The following SCEL variants were observed in gnomAD, a reference collection of about 807,000 sequenced individuals.
SCEL encodes the protein sciellin.
Under a neutral mutation model 117.6 loss-of-function variants are expected in SCEL, and 113 were observed. That is an observed-to-expected ratio of 0.96 (90% confidence interval 0.83 to 1.12). The LOEUF (loss-of-function observed/expected upper bound fraction) is 1.12. Ranked by LOEUF, SCEL falls within the 50% of genes most tolerant of loss-of-function variation. The pLI is 0.00. For synonymous variants in SCEL, 270 were observed against 256.2 expected (o/e 1.05, Z -0.51); for missense variants, 785 against 810.8 (o/e 0.97, Z 0.39).
intron 1 of SCEL, among the ~76,000 whole-genome samples, chr13:77,548,971 A>T (rs900270735): frequency 1.3e-5 from 2 of 152,138 alleles, no homozygotes; most frequent in African/African-American, 4.8e-5. Context: ...GTTGATGGAC[A>T]CTTAGGTTGA....
chr13:77,616,331 T>C (rs532724709), intron 24 of SCEL, among the ~76,000 whole-genome samples: 1 of 152,156 alleles, frequency 6.6e-6, no homozygotes, highest in East Asian at 1.9e-4. Flanking sequence ...TCTACAAAGT[T>C]TTATTCTTTG....
intron 13 of SCEL, among the ~76,000 whole-genome samples, chr13:77,598,577 C>A (rs1202591779): frequency 1.3e-5 from 2 of 152,202 alleles, no homozygotes; most frequent in Non-Finnish European, 2.9e-5. Context: ...TGTCTGAGCA[C>A]ACAGCTGCTT....
intron 17 of SCEL, 143 bp downstream of exon 17, chr13:77,602,856 A>G (rs41288256): frequency 0.13 from 88,075 of 683,378 alleles, 6,369 homozygotes; most frequent in Non-Finnish European, 0.15. Context: ...AAGAATCTAC[A>G]GTATATTCGA....
chr13:77,599,178 G>T, intron 13 of SCEL, 151 bp from the exon 14 acceptor site: 1 of 605,966 alleles, frequency 1.7e-6, no homozygotes, highest in Non-Finnish European at 2.9e-6. Flanking sequence ...TAAAATTTGA[G>T]TCTATGAATA....
At chr13:77,566,227 A>C (rs959616346) in intron 5 of SCEL, among the ~76,000 whole-genome samples, 1 of 152,232 alleles carries the variant, frequency 6.6e-6, no homozygotes, top group African/African-American at 2.4e-5. Context: ...ATTGGATCCC[A>C]GTGAACGATT....
At chr13:77,577,200 T>C (rs376071116) in intron 9 of SCEL, among the ~76,000 whole-genome samples, 8 of 152,308 alleles carry the variant, frequency 5.3e-5, no homozygotes, top group Admixed American at 1.3e-4. Context: ...AGAAAGGGCA[T>C]GGCCATGTGT....
intron 5 of SCEL, among the ~76,000 whole-genome samples, chr13:77,566,016 A>G (rs2085267300): frequency 6.6e-6 from 1 of 152,254 alleles, no homozygotes; most frequent in Admixed American, 6.5e-5. Flanking sequence ...CAGGATAAAT[A>G]CAAAATTAAT....
Position 77,634,388 on chromosome 13 carries a change from T to C in SCEL, c.1701T>C (p.Thr567=). 1.9e-6 allele frequency: 3 copies of C among 1,613,298 alleles called. No homozygotes were observed. The highest frequency in any genetic ancestry group is 2.5e-6 in the Non-Finnish European group (3 of 1,179,400). The change falls in exon 29 of 33, where the codon ACT becomes ACC. Residue 567 remains threonine (T), a synonymous_variant. Coordinates refer to ENST00000349847, the MANE Select transcript of SCEL (RefSeq NM_144777.3). ...ATGATTTGTTTTGCAGCTCTAACAC[T>C]GGAGCCAAGCAGGCAGGACCACAGG... ...VSENKNGSSN[T]GAKQAGPQDT... is the part of the protein sequence containing the mutation.
chr13:77,639,884 G>A (rs899582077), intron 30 of SCEL, among the ~76,000 whole-genome samples: 1 of 152,078 alleles, frequency 6.6e-6, no homozygotes, highest in South Asian at 2.1e-4. Context: ...CTATTTAAGA[G>A]TGTCCTAAGA....
In SCEL at chr13:77,642,773, C is replaced by A; in HGVS notation, c.2015C>A (p.Thr672Lys). ...GATAGTATTTGGATTTATAGACAGA[C>A]AATACACTGTGAACCTTGCTACTCT... Reference protein sequence around the residue: ...AGDSIWIYRQTIHCEPCYSKI... With the variant: ...AGDSIWIYRQKIHCEPCYSKI... Residue 672 changes from threonine (T) to lysine (K), a missense_variant, in exon 32 of 33, where the codon ACA becomes AAA. Physicochemically the swap from Thr to Lys is moderately conservative, Grantham distance 78. Transcript: ENST00000349847. 1 of 1,605,914 alleles carries A rather than the reference C, an allele frequency of 6.2e-7. No individual in the cohort carries two copies. Among genetic ancestry groups the A allele is most frequent in the Non-Finnish European group, 8.5e-7 (1 of 1,175,498 alleles).
rs750331235 is a variant in SCEL at position 77,559,816 on chromosome 13, C to T, written c.174C>T (p.Tyr58=). ...KRPEEEKDEN[Y]GRVVLNRHNS... ...TCTTTCTTTGCAGAGATGAAAATTA[C>T]GGTAGGGTGGTGCTCAACCGACATA... is the stretch of plus-strand genomic sequence containing the variant. Residue 58 remains tyrosine, a synonymous_variant, in exon 4 of 33, where the codon TAC becomes TAT. Transcript: ENST00000349847. 213 of 1,613,302 alleles carry T rather than the reference C, an allele frequency of 1.3e-4. 1 individual carries two copies. The highest frequency in any genetic ancestry group is 1.7e-4 in the Non-Finnish European group (198 of 1,179,556).
intron 12 of SCEL, among the ~76,000 whole-genome samples, chr13:77,596,693 G>GTA (rs953356370): frequency 8.4e-5 from 8 of 95,334 alleles, no homozygotes; most frequent in African/African-American, 3.2e-4. Flanking sequence ...GGCAAGGTGT[G>GTA]TGTGTGTGTG....
At chr13:77,573,565 TA>T (rs1482690464) in intron 9 of SCEL, among the ~76,000 whole-genome samples, 3 of 152,036 alleles carry the variant, frequency 2.0e-5, no homozygotes, top group African/African-American at 4.8e-5. Flanking sequence ...GTGGGCTCTA[TA>T]AGGATGTAAA....
intron 9 of SCEL, among the ~76,000 whole-genome samples, chr13:77,587,458 A>G (rs1445874411): frequency 6.6e-6 from 1 of 151,912 alleles, no homozygotes; most frequent in East Asian, 1.9e-4. Flanking sequence ...CTGTCTTCCT[A>G]CTTTACTGCC....
chr13:77,567,697 A>C lies in SCEL; in HGVS notation c.308A>C (p.Asp103Ala). ...TTATAAAGGATCTCAGACAGAAATG[A>C]TGCTGCTAAAACATATAAGGCCAAT... ...DTLDRISDRNDAAKTYKANTL... is the reference protein window; with the variant it reads ...DTLDRISDRNAAAKTYKANTL... Residue 103 changes from aspartate to alanine, a missense_variant, in exon 6 of 33, where the codon GAT becomes GCT. Physicochemically the swap from Asp to Ala is moderately radical, Grantham distance 126. Transcript: ENST00000349847. 6.2e-7 allele frequency: 1 copy of C among 1,608,300 alleles called. No individual in the cohort carries two copies. The highest frequency in any genetic ancestry group is 1.1e-5 in the South Asian group (1 of 90,132).
chr13:77,547,538 C>G (rs1021741274), intron 1 of SCEL, among the ~76,000 whole-genome samples: 4 of 152,198 alleles, frequency 2.6e-5, no homozygotes, highest in African/African-American at 7.2e-5. Flanking sequence ...ATCCCTCACT[C>G]TCTCATCCTC....
At chr13:77,631,712 A>C (rs533594246) in intron 28 of SCEL, among the ~76,000 whole-genome samples, 2 of 152,344 alleles carry the variant, frequency 1.3e-5, no homozygotes, top group African/African-American at 4.8e-5. Context: ...TTGTTGTCCC[A>C]CATTCCAAAC....
rs547844274 is a variant in SCEL, at chr13:77,545,203, G to C, written c.-20+9379G>C. ...AGCCTTTTGAAAAGCCAAGATTAGA[G>C]TTTCATCTTTTTTGTGAGAAGCTAA... On this transcript the variant is annotated intron_variant, in intron 1 of 32. Coordinates refer to ENST00000349847, the MANE Select transcript of SCEL (RefSeq NM_144777.3). Among the ~76,000 whole-genome samples the C allele has an allele frequency of 3.7e-4, 56 of 152,330 alleles. No individual in the cohort carries two copies. In the South Asian group the frequency reaches 0.011, roughly 30 times the overall value.
chr13:77,583,170 C>T (rs1158683259), intron 9 of SCEL, among the ~76,000 whole-genome samples: 1 of 152,138 alleles, frequency 6.6e-6, no homozygotes, highest in Non-Finnish European at 1.5e-5. Flanking sequence ...ATAGCGCCAC[C>T]CTCCCTTATT....
Sources: gnomAD v4.1 joint callset for allele counts (sites outside exome capture counted in the v4.1 genomes callset) on GRCh38, gnomAD v4.1.1 for gene constraint, MANE v1.5 for transcripts, NCBI Gene and HGNC (gene_info 2026-07-23, HGNC 2026-07-21) for gene names.